Variants in CHST3 observed in about 807,000 individuals in gnomAD.
CHST3 encodes C6ST-1.
CHST3 carries 20 observed loss-of-function variants against 35.4 expected under a neutral mutation model. The observed-to-expected ratio is 0.57, with a 90% CI of 0.40 to 0.82. The LOEUF (loss-of-function observed/expected upper bound fraction) is 0.82, where lower values mean the gene tolerates loss of function less well. CHST3 is among the 40% of genes least tolerant of loss of function. The pLI is 0.00. For missense variants in CHST3, 693 were observed against 670.1 expected, an observed-to-expected ratio of 1.03 and a Z score of -0.38; for synonymous variants, 334 against 295.9, an observed-to-expected ratio of 1.13 and a Z score of -1.32.
At chr10:71,983,311 A>AT (rs1310761249) in intron 1 of CHST3, among the ~76,000 whole-genome samples, 19 of 152,202 alleles carry the variant, frequency 1.2e-4, no homozygotes, top group Non-Finnish European at 4.4e-5. Flanking sequence ...CAGAATCATC[A>AT]TTCTACTCCT....
chr10:71,993,474 C>A (rs1589503835), intron 1 of CHST3, among the ~76,000 whole-genome samples: 1 of 151,970 alleles, frequency 6.6e-6, no homozygotes, highest in Admixed American at 6.6e-5. Context: ...TCTTAGCATC[C>A]ACTTCTTCTA....
intron 1 of CHST3, among the ~76,000 whole-genome samples, chr10:71,993,781 A>G (rs1390568256): frequency 6.6e-6 from 1 of 152,192 alleles, no homozygotes; most frequent in African/African-American, 2.4e-5. Context: ...ACATAGTGAG[A>G]CATCTCTACA....
Position 72,005,695 on chromosome 10 carries a change from G to C in CHST3, c.-107-41G>C, listed in dbSNP as rs553991938. On this transcript the variant is annotated intron_variant, in intron 1 of 2. Coordinates refer to ENST00000373115, the MANE Select transcript of CHST3 (RefSeq NM_004273.5). ...TGGAGAGACATCCTCTGCATTCCTC[G>C]TGTACAGACAAGGGTGTTCTGACCA... is the stretch of plus-strand genomic sequence containing the variant. 4.2e-6 allele frequency: 4 copies of C among 944,030 alleles called. No homozygotes were observed. In the South Asian group the frequency reaches 5.6e-5, roughly 13 times the overall value. 58.5% of individuals were successfully genotyped at this position (944,030 alleles called of 1,614,324 possible). A position where few individuals can be genotyped will look rare whatever the true frequency, so the allele number is the denominator to read the frequency against.
intron 1 of CHST3, among the ~76,000 whole-genome samples, chr10:71,994,912 GC>G (rs1159944619): frequency 2.6e-5 from 4 of 152,162 alleles, no homozygotes; most frequent in African/African-American, 9.7e-5. Flanking sequence ...ACCAACGCTA[GC>G]AGCTTCCAAA....
At chr10:71,967,722 T>C (rs1345640361) in intron 1 of CHST3, among the ~76,000 whole-genome samples, 1 of 152,236 alleles carries the variant, frequency 6.6e-6, no homozygotes, top group Non-Finnish European at 1.5e-5. Flanking sequence ...ATGGTAATCC[T>C]ACTTTGAGTT....
chr10:71,978,851 T>A (rs1839772391), intron 1 of CHST3, among the ~76,000 whole-genome samples: 1 of 152,162 alleles, frequency 6.6e-6, no homozygotes, highest in African/African-American at 2.4e-5. Context: ...CACAGCTCTG[T>A]GGGCCAAGAG....
At position 72,009,945 on chromosome 10, in the gene CHST3, A is replaced by G; in HGVS notation, c.*1474A>G. 1 of 153,238 alleles carries G rather than the reference A, an allele frequency of 6.5e-6. No individual in the cohort carries two copies. The highest frequency in any genetic ancestry group is 2.4e-5 in the African/African-American group (1 of 41,590). 9.5% of individuals were successfully genotyped at this position (153,238 alleles called of 1,614,324 possible). On this transcript the variant is annotated 3_prime_UTR_variant, in exon 3 of 3. Transcript: ENST00000373115. ...GCAGGGAGCACTTGGCTCCTGGCAG[A>G]GGGAGAGGACAGGAGGAGGAGCCTT... is the stretch of plus-strand genomic sequence containing the variant.
At chr10:71,992,496 T>G (rs1336575780) in intron 1 of CHST3, among the ~76,000 whole-genome samples, 1 of 152,088 alleles carries the variant, frequency 6.6e-6, no homozygotes, top group Admixed American at 6.6e-5. Flanking sequence ...TTTCTTAAAA[T>G]AACACAACAA....
Position 72,008,164 on chromosome 10 carries a change from C to T in CHST3, c.1133C>T (p.Pro378Leu). The change falls in exon 3 of 3, where the codon CCG becomes CTG. Residue 378 changes from proline to leucine, a missense_variant. Transcript: ENST00000373115. ...CGCTACGAGGACGTGGCACGCGGGC[C>T]GCTGCAGAAGGCCCGCGAGATGTAC... is the stretch of plus-strand genomic sequence containing the variant. ...LVRYEDVARG[P>L]LQKAREMYRF... 6.5e-7 allele frequency: 1 copy of T among 1,548,758 alleles called. No homozygotes were observed. Among genetic ancestry groups the T allele is most frequent in the Non-Finnish European group, 8.7e-7 (1 of 1,146,526 alleles).
intron 1 of CHST3, among the ~76,000 whole-genome samples, chr10:71,995,766 G>A (rs1036280506): frequency 4.6e-5 from 7 of 152,086 alleles, no homozygotes; most frequent in Non-Finnish European, 1.0e-4. Flanking sequence ...TATGGGTGTG[G>A]TTTGTGGCAC....
intron 1 of CHST3, 99 bp from the exon 2 acceptor site, chr10:72,005,632 CTGGCT>C: frequency 1.6e-6 from 1 of 618,622 alleles, no homozygotes; most frequent in Non-Finnish European, 2.8e-6. Flanking sequence ...GTCTGGGGTC[CTGGCT>C]GCTAACCAGG....
At chr10:71,992,543 A>G (rs971828786) in intron 1 of CHST3, among the ~76,000 whole-genome samples, 6 of 151,954 alleles carry the variant, frequency 3.9e-5, no homozygotes, top group African/African-American at 1.5e-4. Flanking sequence ...TCTTTTCATG[A>G]CGGATTTCTC....
rs1426078726 is a variant in CHST3, at chr10:71,990,009, A to G, written c.-107-15727A>G. On this transcript the variant is annotated intron_variant, in intron 1 of 2. Coordinates refer to ENST00000373115, the MANE Select transcript of CHST3 (RefSeq NM_004273.5). ...TTTTGTTTTGGTTTTGGTTTTGCCTATTAACATGCATTAATGTCATGGTTA... is the reference window on the plus strand; with the variant it reads ...TTTTGTTTTGGTTTTGGTTTTGCCTGTTAACATGCATTAATGTCATGGTTA... 2.6e-5 allele frequency among the ~76,000 whole-genome samples: 4 copies of G among 152,242 alleles called. No homozygotes were observed. The South Asian group carries it at 6.2e-4, about 24-fold the overall frequency.
chr10:71,995,116 CT>C (rs1389499912), intron 1 of CHST3, among the ~76,000 whole-genome samples: 1 of 152,114 alleles, frequency 6.6e-6, no homozygotes, highest in Non-Finnish European at 1.5e-5. Flanking sequence ...TAGAGTAGCC[CT>C]TTTCATTTCC....
At chr10:71,992,804 GCGTC>G (rs1554816640) in intron 1 of CHST3, among the ~76,000 whole-genome samples, 52,840 of 151,388 alleles carry the variant, frequency 0.35, 10,940 homozygotes, top group Non-Finnish European at 0.47. Context: ...GGGATTACAG[GCGTC>G]CGCCACCACG....
intron 2 of CHST3, 66 bp from the exon 3 acceptor site, chr10:72,007,106 C>CT (rs1840045859): frequency 3.2e-6 from 5 of 1,569,890 alleles, no homozygotes; most frequent in Non-Finnish European, 4.3e-6. Context: ...TGGAGGACTG[C>CT]TTAGGGTTGC....
Position 72,007,775 on chromosome 10 carries a change from G to T in CHST3, c.744G>T (p.Lys248Asn), listed in dbSNP as rs1323430500. 1 of 1,601,176 alleles carries T rather than the reference G, an allele frequency of 6.2e-7. No homozygotes were observed. The highest frequency in any genetic ancestry group is 1.1e-5 in the South Asian group (1 of 91,028). The change falls in exon 3 of 3, where the codon AAG (lysine) becomes AAT (asparagine). Residue 248 changes from lysine to asparagine, a missense_variant. Lys to Asn is a moderately conservative substitution (Grantham distance 94). Transcript: ENST00000373115. ...AGGTCTTCGAGAAGTACCACTGCAA[G>T]AACCGCCGCTGCGGCCCCCTCAACG... ...VKKVFEKYHCKNRRCGPLNVT... is the reference protein window; with the variant it reads ...VKKVFEKYHCNNRRCGPLNVT...
intron 1 of CHST3, among the ~76,000 whole-genome samples, chr10:71,991,261 G>A (rs1405552663): frequency 2.0e-5 from 3 of 152,174 alleles, no homozygotes; most frequent in Non-Finnish European, 4.4e-5. Context: ...TCTGCCAGTC[G>A]GTTCCCCAGA....
At chr10:71,991,337 G>A (rs528109395) in intron 1 of CHST3, among the ~76,000 whole-genome samples, 26 of 152,266 alleles carry the variant, frequency 1.7e-4, no homozygotes, top group Middle Eastern at 3.4e-3. Flanking sequence ...GAAAAATGGC[G>A]TCATGTAGAC....
Sources: allele counts gnomAD v4.1 joint callset (sites outside exome capture counted in the v4.1 genomes callset), GRCh38; gene constraint gnomAD v4.1.1; transcripts MANE v1.5; gene names NCBI Gene and HGNC (gene_info 2026-07-23, HGNC 2026-07-21).